Variants in IFT80 observed in about 807,000 individuals in gnomAD.
IFT80 encodes intraflagellar transport protein 80 homolog.
IFT80 carries 79 observed loss-of-function variants against 107.9 expected under a neutral mutation model. The observed-to-expected ratio is 0.73, with a 90% confidence interval of 0.61 to 0.88. The LOEUF is 0.88. IFT80 is among the 40% of genes least tolerant of loss of function. The pLI is 0.00. For synonymous variants in IFT80, 299 were observed against 300.9 expected (o/e 0.99, Z 0.07); for missense variants, 797 against 914.2 (o/e 0.87, Z 1.65).
chr3:160,288,184 T>G (rs577976570), intron 12 of IFT80, among the ~76,000 whole-genome samples: 2 of 152,146 alleles, frequency 1.3e-5, no homozygotes, highest in African/African-American at 4.8e-5. Flanking sequence ...ATACAAAAAA[T>G]TAGCCAGGCG....
At chr3:160,364,477 T>C (rs1225512737) in intron 6 of IFT80, among the ~76,000 whole-genome samples, 1 of 152,174 alleles carries the variant, frequency 6.6e-6, no homozygotes, top group Non-Finnish European at 1.5e-5. Flanking sequence ...AGAAATACCA[T>C]TTGACCCAGC....
chr3:160,333,786 T>C (rs564727703), intron 8 of IFT80, among the ~76,000 whole-genome samples: 1 of 152,264 alleles, frequency 6.6e-6, no homozygotes, highest in East Asian at 1.9e-4. Context: ...CTTTTTAAAA[T>C]TGAAGTACAC....
intron 5 of IFT80, among the ~76,000 whole-genome samples, chr3:160,371,430 T>C (rs926106122): frequency 2.0e-5 from 3 of 152,176 alleles, no homozygotes; most frequent in African/African-American, 7.2e-5. Context: ...CAATTATTTA[T>C]TTATTAATTT....
At chr3:160,374,454 T>C (rs947370408) in intron 5 of IFT80, among the ~76,000 whole-genome samples, 9 of 151,012 alleles carry the variant, frequency 6.0e-5, no homozygotes, top group Non-Finnish European at 1.3e-4. Flanking sequence ...AAATCTTCCA[T>C]GGTGGATAGT....
chr3:160,278,732 C>T lies in IFT80; in HGVS notation c.1836+461G>A, dbSNP rs767798684. ...ACAAAAGTGTATTCTAAGGAATGTT[C>T]ACTGATGTTCAATAAAAAAGGTCTA... is the stretch of plus-strand genomic sequence containing the variant. On this transcript the variant is annotated intron_variant, in intron 16 of 19. Transcript: ENST00000326448. 2.4e-4 allele frequency among the ~76,000 whole-genome samples: 36 copies of T among 152,196 alleles called. No homozygotes were observed. In the Middle Eastern group the frequency reaches 0.017, roughly 72 times the overall value.
rs1412218064 is a variant in IFT80, at chr3:160,315,524, A to G, written c.957+4236T>C. Among the ~76,000 whole-genome samples the G allele has an allele frequency of 2.6e-5, 4 of 152,298 alleles. No homozygotes were observed. The Middle Eastern group carries it at 0.01, about 389-fold the overall frequency. On this transcript the variant is annotated intron_variant, in intron 9 of 19. Coordinates refer to ENST00000326448, the MANE Select transcript of IFT80 (RefSeq NM_020800.3). ...GGAACAAAATGGGAGGCAGTTTTGC[A>G]TGACTCAGTTCTCAAGCTTACCCTT...
At chr3:160,366,622 T>A (rs1012759487) in intron 5 of IFT80, among the ~76,000 whole-genome samples, 1 of 152,100 alleles carries the variant, frequency 6.6e-6, no homozygotes, top group African/African-American at 2.4e-5. Context: ...AGCAGCAGTC[T>A]TGGGGCTTGG....
At chr3:160,288,260 G>A (rs1192441823) in intron 12 of IFT80, among the ~76,000 whole-genome samples, 2 of 152,162 alleles carry the variant, frequency 1.3e-5, no homozygotes, top group African/African-American at 4.8e-5. Flanking sequence ...GTGAACCCGG[G>A]AGGCGGAGCT....
intron 8 of IFT80, among the ~76,000 whole-genome samples, chr3:160,322,450 G>A (rs1417558332): frequency 6.6e-6 from 1 of 151,900 alleles, no homozygotes; most frequent in Non-Finnish European, 1.5e-5. Context: ...GGACATTTGG[G>A]TTGGTTCCAA....
chr3:160,360,405 G>T (rs539000991), intron 6 of IFT80, among the ~76,000 whole-genome samples: 3 of 152,316 alleles, frequency 2.0e-5, no homozygotes, highest in South Asian at 4.1e-4. Context: ...GTGATAGGGA[G>T]AATGGAACGA....
At chr3:160,340,108 C>T (rs940315321) in intron 8 of IFT80, among the ~76,000 whole-genome samples, 1 of 152,020 alleles carries the variant, frequency 6.6e-6, no homozygotes, top group African/African-American at 2.4e-5. Flanking sequence ...TAGAAAAGGA[C>T]CTGATAAAAA....
Position 160,288,070 on chromosome 3 carries a change from C to T in IFT80, c.1316-2202G>A, listed in dbSNP as rs183992417. ...ATTAAGAAATACAGCGCAGTCTGGGCGCAGTGGCTCACGCCTGTAATCCCA... is the reference window on the plus strand; with the variant it reads ...ATTAAGAAATACAGCGCAGTCTGGGTGCAGTGGCTCACGCCTGTAATCCCA... On this transcript the variant is annotated intron_variant, in intron 12 of 19. Coordinates refer to ENST00000326448, the MANE Select transcript of IFT80 (RefSeq NM_020800.3). 5.3e-5 allele frequency among the ~76,000 whole-genome samples: 8 copies of T among 152,326 alleles called. No homozygotes were observed. The South Asian group carries it at 8.3e-4, about 16-fold the overall frequency.
chr3:160,346,338 C>T (rs1314353829), intron 8 of IFT80, among the ~76,000 whole-genome samples: 4 of 152,012 alleles, frequency 2.6e-5, no homozygotes, highest in Non-Finnish European at 5.9e-5. Flanking sequence ...ATACATATAT[C>T]AAAACATCAC....
intron 12 of IFT80, among the ~76,000 whole-genome samples, chr3:160,286,202 C>T (rs1240536348): frequency 2.0e-5 from 3 of 152,000 alleles, no homozygotes; most frequent in African/African-American, 7.3e-5. Context: ...AGTGTAGAGG[C>T]CAAAGGAAAA....
At chr3:160,288,110 C>T (rs1379218180) in intron 12 of IFT80, among the ~76,000 whole-genome samples, 2 of 152,118 alleles carry the variant, frequency 1.3e-5, no homozygotes, top group African/African-American at 4.8e-5. Context: ...TTTGGGAGGC[C>T]GAGGTGGGTG....
At chr3:160,319,504 A>G (rs888003873) in intron 9 of IFT80, among the ~76,000 whole-genome samples, 2 of 151,992 alleles carry the variant, frequency 1.3e-5, no homozygotes, top group African/African-American at 4.8e-5. Context: ...CTGAATCCAC[A>G]TATTTCCTCC....
chr3:160,335,254 G>A (rs1213114635), intron 8 of IFT80, among the ~76,000 whole-genome samples: 1 of 146,606 alleles, frequency 6.8e-6, no homozygotes, highest in Non-Finnish European at 1.5e-5. Context: ...TTTTTGAGAC[G>A]GAGTCTTGCT....
At chr3:160,280,323 C>A (rs545076516) in intron 15 of IFT80, among the ~76,000 whole-genome samples, 17 of 152,226 alleles carry the variant, frequency 1.1e-4, no homozygotes, top group African/African-American at 4.1e-4. Flanking sequence ...TCTGTGACAG[C>A]GTTGGGTAGT....
chr3:160,310,788 A>C (rs1717182288), intron 9 of IFT80, among the ~76,000 whole-genome samples: 1 of 152,188 alleles, frequency 6.6e-6, no homozygotes, highest in Non-Finnish European at 1.5e-5. Flanking sequence ...GCATCACCTA[A>C]GGCTCTAAAC....
Sources: gnomAD v4.1 joint callset for allele counts (sites outside exome capture counted in the v4.1 genomes callset) on GRCh38, gnomAD v4.1.1 for gene constraint, MANE v1.5 for transcripts, NCBI Gene and HGNC (gene_info 2026-07-23, HGNC 2026-07-21) for gene names.